Variants in CNTNAP2 observed in about 807,000 individuals in gnomAD.
CNTNAP2 encodes contactin associated protein 2.
CNTNAP2 carries 98 observed loss-of-function variants against 155.2 expected under a neutral mutation model. The observed-to-expected ratio is 0.63, with a 90% CI of 0.54 to 0.75. The LOEUF is 0.75. CNTNAP2 is among the 30% of genes least tolerant of loss of function. CNTNAP2 has a pLI of 0.00. For missense variants in CNTNAP2, 1,727 were observed against 1,688.1 expected (o/e 1.02, Z -0.40); for synonymous variants, 651 against 631.2 (o/e 1.03, Z -0.47).
At chr7:146,341,860 C>A (rs1794734896) in intron 1 of CNTNAP2, among the ~76,000 whole-genome samples, 1 of 152,094 alleles carries the variant, frequency 6.6e-6, no homozygotes, top group African/African-American at 2.4e-5. Context: ...ATTCTCAAAG[C>A]ATCTTTTGGG....
intron 13 of CNTNAP2, among the ~76,000 whole-genome samples, chr7:147,785,496 C>T (rs1797725614): frequency 6.6e-6 from 1 of 151,642 alleles, no homozygotes; most frequent in Admixed American, 6.6e-5. Context: ...TGAAGAGGGA[C>T]CAGGAAGGAC....
At chr7:147,155,297 C>T (rs145531058) in intron 8 of CNTNAP2, among the ~76,000 whole-genome samples, 31 of 152,216 alleles carry the variant, frequency 2.0e-4, no homozygotes, top group Non-Finnish European at 3.7e-4. Flanking sequence ...CTGAACCTGC[C>T]AGTGCCTTGA....
At chr7:147,382,202 T>C (rs1796548678) in intron 9 of CNTNAP2, among the ~76,000 whole-genome samples, 1 of 152,018 alleles carries the variant, frequency 6.6e-6, no homozygotes, top group Admixed American at 6.6e-5. Flanking sequence ...ATTCCTGAGT[T>C]TGTTTTATTA....
At chr7:147,215,961 A>ATG in intron 8 of CNTNAP2, among the ~76,000 whole-genome samples, 1 of 152,240 alleles carries the variant, frequency 6.6e-6, no homozygotes, top group South Asian at 2.1e-4. Flanking sequence ...ATCTTTTTAT[A>ATG]TGCTTATTTG....
chr7:147,001,818 G>T (rs1798429754), intron 3 of CNTNAP2, among the ~76,000 whole-genome samples: 2 of 151,174 alleles, frequency 1.3e-5, no homozygotes, highest in African/African-American at 4.9e-5. Flanking sequence ...CAAAATATAA[G>T]GAAAAAATAA....
chr7:146,628,115 C>T (rs561439891), intron 1 of CNTNAP2, among the ~76,000 whole-genome samples: 4 of 152,180 alleles, frequency 2.6e-5, no homozygotes, highest in Admixed American at 2.6e-4. Context: ...TATCTTTTTC[C>T]ACTTCCTTTA....
intron 8 of CNTNAP2, among the ~76,000 whole-genome samples, chr7:147,288,515 G>T (rs879298767): frequency 1.3e-5 from 2 of 152,184 alleles, no homozygotes; most frequent in Non-Finnish European, 2.9e-5. Context: ...AAGATGAAAA[G>T]CAAAGACTGT....
At chr7:146,568,313 C>T (rs1798388726) in intron 1 of CNTNAP2, among the ~76,000 whole-genome samples, 1 of 152,184 alleles carries the variant, frequency 6.6e-6, no homozygotes, top group Non-Finnish European at 1.5e-5. Context: ...GGCAGTATCT[C>T]TGGCTGTGTT....
At chr7:147,353,989 T>C (rs1185655759) in intron 9 of CNTNAP2, among the ~76,000 whole-genome samples, 2 of 152,112 alleles carry the variant, frequency 1.3e-5, no homozygotes, top group Non-Finnish European at 2.9e-5. Context: ...GATGTTTTTT[T>C]TTTTCTTGTA....
At chr7:148,244,137 G>T (rs975136748) in intron 20 of CNTNAP2, among the ~76,000 whole-genome samples, 8 of 152,220 alleles carry the variant, frequency 5.3e-5, no homozygotes, top group Admixed American at 1.3e-4. Context: ...AGGTTCATTT[G>T]TCTTTTAAGG....
chr7:147,906,497 A>T (rs200127615), intron 14 of CNTNAP2, among the ~76,000 whole-genome samples: 108 of 145,726 alleles, frequency 7.4e-4, no homozygotes, highest in African/African-American at 2.0e-3. Flanking sequence ...TTTATTTTTT[A>T]TTTTTTTTTT....
At chr7:147,806,038 G>A (rs78089994) in intron 13 of CNTNAP2, among the ~76,000 whole-genome samples, 6,857 of 152,190 alleles carry the variant, frequency 0.045, 194 homozygotes, top group South Asian at 0.065. Context: ...CACAGCAAGG[G>A]AGACAATCAA....
At chr7:147,420,132 C>T (rs1797264695) in intron 10 of CNTNAP2, among the ~76,000 whole-genome samples, 1 of 152,136 alleles carries the variant, frequency 6.6e-6, no homozygotes. Flanking sequence ...TTATAAATTG[C>T]ACCATTTGCC....
chr7:147,449,643 T>C (rs1797798250), intron 10 of CNTNAP2, among the ~76,000 whole-genome samples: 1 of 152,178 alleles, frequency 6.6e-6, no homozygotes, highest in African/African-American at 2.4e-5. Context: ...GGAAAATATT[T>C]GTTTAAGGTT....
chr7:146,744,219 C>T (rs11773440), intron 1 of CNTNAP2, among the ~76,000 whole-genome samples: 1 of 103,932 alleles, frequency 9.6e-6, no homozygotes, highest in Non-Finnish European at 1.8e-5. Context: ...CAAAGTGACA[C>T]TCTGTCTCAA....
At chr7:147,966,344 A>G (rs1318278276) in intron 14 of CNTNAP2, among the ~76,000 whole-genome samples, 1 of 152,158 alleles carries the variant, frequency 6.6e-6, no homozygotes, top group African/African-American at 2.4e-5. Context: ...TGAGAAAACC[A>G]TGCTATTTAA....
chr7:146,388,566 G>C (rs1315065312), intron 1 of CNTNAP2, among the ~76,000 whole-genome samples: 1 of 152,040 alleles, frequency 6.6e-6, no homozygotes, highest in Non-Finnish European at 1.5e-5. Flanking sequence ...TGGGGAATGG[G>C]GGATCCATCC....
At chr7:146,702,310 TTAAG>T (rs1200931112) in intron 1 of CNTNAP2, among the ~76,000 whole-genome samples, 3 of 152,230 alleles carry the variant, frequency 2.0e-5, no homozygotes, top group East Asian at 3.9e-4. Context: ...TAGAAAAAAA[TTAAG>T]TATTCTATTA....
At chr7:146,234,766 C>T (rs908710372) in intron 1 of CNTNAP2, among the ~76,000 whole-genome samples, 1 of 152,270 alleles carries the variant, frequency 6.6e-6, no homozygotes, top group Admixed American at 6.5e-5. Flanking sequence ...TCTTAATTTG[C>T]ACAGAGTATT....
Sources: gnomAD v4.1 joint callset for allele counts (sites outside exome capture counted in the v4.1 genomes callset) on GRCh38, gnomAD v4.1.1 for gene constraint, MANE v1.5 for transcripts, NCBI Gene and HGNC (gene_info 2026-07-23, HGNC 2026-07-21) for gene names.